The following IDUA variants were observed in gnomAD, a reference collection of about 807,000 sequenced individuals.
IDUA encodes alpha-L-iduronidase.
A neutral mutation model predicts 68.9 loss-of-function variants in IDUA; 65 were observed. The ratio of observed to expected loss-of-function variants is 0.94; its 90% CI spans 0.77 to 1.16. The LOEUF (loss-of-function observed/expected upper bound fraction) is 1.16. Ranked by LOEUF, IDUA falls within the 50% of genes most tolerant of loss-of-function variation. The pLI is 0.00. For missense variants in IDUA, 1,046 were observed against 938.0 expected, an observed-to-expected ratio of 1.12 and a Z score of -1.50; for synonymous variants, 529 against 433.6, an observed-to-expected ratio of 1.22 and a Z score of -2.73.
chr4:997,241 T>G (rs1221793755), intron 2 of IDUA, among the ~76,000 whole-genome samples: 1 of 151,666 alleles, frequency 6.6e-6, no homozygotes, highest in Non-Finnish European at 1.5e-5. Context: ...TGTGTCCCCT[T>G]CGTCCCGGCC....
intron 12 of IDUA, 159 bp from the exon 13 acceptor site, chr4:1,003,853 C>A: frequency 1.2e-6 from 1 of 818,760 alleles, no homozygotes; most frequent in Non-Finnish European, 2.1e-6. Context: ...CGGGCTCCAG[C>A]CCTCTCCTGC....
intron 2 of IDUA, 98 bp downstream of exon 2, chr4:988,047 C>T (rs1371218359): frequency 1.4e-6 from 2 of 1,478,970 alleles, no homozygotes; most frequent in East Asian, 2.5e-5. Context: ...CTTGTTCCCC[C>T]ACCTCCCGCC....
intron 8 of IDUA, 48 bp from the exon 9 acceptor site, chr4:1,002,684 C>T (rs1052014254): frequency 1.4e-5 from 19 of 1,324,194 alleles, no homozygotes; most frequent in Non-Finnish European, 1.7e-5. Context: ...GGTCGGGGGG[C>T]GGCTGGGCAA....
chr4:1,003,324 A>C, intron 10 of IDUA, 21 bp from the exon 11 acceptor site: 1 of 1,442,028 alleles, frequency 6.9e-7, no homozygotes, highest in South Asian at 1.4e-5. Context: ...GAGAACCCTG[A>C]GGACCGGCCA....
At position 1,004,124 on chromosome 4, in the gene IDUA, A is replaced by AC. The variant is rs757706681; in HGVS notation, c.1828+15dup. ...TGTGTTCAGCCCAGGTGCGCCCACC[A>AC]CCCGCTGCCCTGGACTCGGCCACCC... On this transcript the variant is annotated intron_variant, in intron 13 of 13. Coordinates refer to ENST00000514224, the MANE Select transcript of IDUA (RefSeq NM_000203.5). The surrounding 1 kb of genome is among the most constrained non-coding windows in gnomAD (Gnocchi z 5.0). 3 of 1,612,212 alleles carry AC rather than the reference A, an allele frequency of 1.9e-6. No individual in the cohort carries two copies. Among genetic ancestry groups the AC allele is most frequent in the Non-Finnish European group, 2.5e-6 (3 of 1,179,438 alleles).
In IDUA at chr4:1,002,916, G is replaced by A. The variant is rs2153022667; in HGVS notation, c.1374G>A (p.Leu458=). The A allele has an allele frequency of 1.5e-6, 2 of 1,372,642 alleles. No individual in the cohort carries two copies. Among genetic ancestry groups the A allele is most frequent in the Non-Finnish European group, 1.9e-6 (2 of 1,070,094 alleles). 85.0% of individuals were successfully genotyped at this position (1,372,642 alleles called of 1,614,324 possible). A position where few individuals can be genotyped will look rare whatever the true frequency, so the allele number is the denominator to read the frequency against. Residue 458 remains leucine, a synonymous_variant, in exon 9 of 14, where the codon CTG becomes CTA. Coordinates refer to ENST00000514224, the MANE Select transcript of IDUA (RefSeq NM_000203.5). ...AHPNRSVAVT[L]RLRGVPPGPG... ...CCAACCGCAGCGTCGCGGTGACCCT[G>A]CGGCTGCGCGGGGTGCCCCCCGGCC... is the stretch of plus-strand genomic sequence containing the variant.
intron 2 of IDUA, chr4:990,367 G>A: frequency 6.3e-7 from 1 of 1,589,508 alleles, no homozygotes; most frequent in Admixed American, 1.8e-5. Context: ...GAGGACCTGT[G>A]GACGGAGTGC....
At chr4:1,002,979 C>A in intron 9 of IDUA, 35 bp downstream of exon 9, 1 of 1,392,210 alleles carries the variant, frequency 7.2e-7, no homozygotes, top group South Asian at 1.6e-5. Flanking sequence ...TCTGGCCCCG[C>A]TGGGGCTCTG....
chr4:999,160 G>C (rs572295379), intron 2 of IDUA, among the ~76,000 whole-genome samples: 1 of 151,088 alleles, frequency 6.6e-6, no homozygotes, highest in Non-Finnish European at 1.5e-5. Context: ...AGCCGAGATC[G>C]CGCCACTGCA....
At chr4:1,000,801 G>A (rs1715025983) in intron 3 of IDUA, 81 bp from the exon 4 acceptor site, 3 of 1,489,486 alleles carry the variant, frequency 2.0e-6, no homozygotes, top group Middle Eastern at 1.7e-4. Flanking sequence ...ATTCAGGGCT[G>A]GCCTTGGTGC....
intron 2 of IDUA, chr4:990,938 A>C: frequency 1.7e-6 from 1 of 595,506 alleles, no homozygotes; most frequent in Non-Finnish European, 2.8e-6. Flanking sequence ...TCCTGCATCC[A>C]CAGCCTCTCC....
At position 990,284 on chromosome 4, in the gene IDUA, C is replaced by T. The variant is rs558397842; in HGVS notation, c.299+2335C>T. 4.4e-6 allele frequency: 7 copies of T among 1,601,926 alleles called. No homozygotes were observed. The East Asian group carries it at 1.4e-4, about 31-fold the overall frequency. ...TGCGAGGTCAGGATGGTCACGGAGG[C>T]CCCCATGGCAAAGCCATCGAGCAGT... On this transcript the variant is annotated intron_variant, in intron 2 of 13. Coordinates refer to ENST00000514224, the MANE Select transcript of IDUA (RefSeq NM_000203.5).
At chr4:989,913 A>C (rs1393236074) in intron 2 of IDUA, 1 of 1,562,114 alleles carries the variant, frequency 6.4e-7, no homozygotes, top group Non-Finnish European at 8.7e-7. Context: ...CGGCATCCAA[A>C]GCCACACGCT....
At chr4:990,407 C>T in intron 2 of IDUA, 1 of 1,516,722 alleles carries the variant, frequency 6.6e-7, no homozygotes, top group Non-Finnish European at 8.9e-7. Context: ...TGGCGGGAGC[C>T]ACCTGCCCCT....
rs760913566 is a variant in IDUA at position 1,002,361 on chromosome 4, C to T, written c.1065C>T (p.Tyr355=). The T allele has an allele frequency of 1.2e-6, 2 of 1,612,870 alleles. No homozygotes were observed. Among genetic ancestry groups the T allele is most frequent in the South Asian group, 2.2e-5 (2 of 91,024 alleles). ...GCAACGACAATGCCTTCCTGAGCTA[C>T]CACCCGCACCCCTTCGCGCAGCGCA... ...LLSNDNAFLS[Y]HPHPFAQRTL... is the part of the protein sequence containing the mutation. The change falls in exon 8 of 14, where the codon TAC becomes TAT. Residue 355 remains tyrosine (Y), a synonymous_variant. Transcript: ENST00000514224.
At chr4:1,003,911 T>C in intron 12 of IDUA, 101 bp from the exon 13 acceptor site, 1 of 1,021,444 alleles carries the variant, frequency 9.8e-7, no homozygotes, top group South Asian at 1.3e-5. Context: ...GCCGAGGGGC[T>C]TGAGGGAATG....
chr4:1,001,579 T>C lies in IDUA; in HGVS notation c.589+16T>C. 4 of 1,612,510 alleles carry C rather than the reference T, an allele frequency of 2.5e-6. No individual in the cohort carries two copies. Among genetic ancestry groups the C allele is most frequent in the African/African-American group, 1.3e-5 (1 of 75,022 alleles). On this transcript the variant is annotated intron_variant, in intron 5 of 13. Coordinates refer to ENST00000514224, the MANE Select transcript of IDUA (RefSeq NM_000203.5). Reference sequence around the variant, plus strand: ...ACCATGCAAGGTGTGCACCGCTTCCTGGGGTCCTGCCCGGCTGAAAGGGGG... The same window carrying C: ...ACCATGCAAGGTGTGCACCGCTTCCCGGGGTCCTGCCCGGCTGAAAGGGGG...
chr4:990,212 C>A, intron 2 of IDUA: 1 of 1,564,154 alleles, frequency 6.4e-7, no homozygotes, highest in East Asian at 2.4e-5. Context: ...ACCACCATGC[C>A]GGGCCCCTGG....
intron 2 of IDUA, among the ~76,000 whole-genome samples, chr4:999,176 G>T (rs570833199): frequency 6.6e-6 from 1 of 151,216 alleles, no homozygotes; most frequent in South Asian, 2.1e-4. Context: ...CTGCACCCCA[G>T]GCTGGGCAAC....
Sources: allele counts gnomAD v4.1 joint callset (sites outside exome capture counted in the v4.1 genomes callset), GRCh38; gene constraint gnomAD v4.1.1; non-coding constraint Gnocchi (gnomAD v3.1); transcripts MANE v1.5; gene names NCBI Gene and HGNC (gene_info 2026-07-23, HGNC 2026-07-21).